Variants in CLN5 observed in about 807,000 individuals in gnomAD.
CLN5 encodes the protein CLN5 lysosomal BMP synthase.
A neutral mutation model predicts 36.7 loss-of-function variants in CLN5; 34 were observed. The observed-to-expected ratio is 0.93, with a 90% CI of 0.71 to 1.23. The LOEUF (loss-of-function observed/expected upper bound fraction) is 1.23. CLN5 is among the 50% of genes most tolerant of loss of function. The pLI, the probability that CLN5 is intolerant of heterozygous loss-of-function variation, is 0.00. For missense variants in CLN5, 427 were observed against 439.4 expected (o/e 0.97, Z 0.25); for synonymous variants, 151 against 155.1 (o/e 0.97, Z 0.20).
chr13:77,004,180 G>C lies in CLN5; in HGVS notation c.*3211G>C, dbSNP rs1218466964. 1 of 152,116 alleles carries C rather than the reference G, an allele frequency of 6.6e-6. No individual in the cohort carries two copies. Among genetic ancestry groups the C allele is most frequent in the African/African-American group, 2.4e-5 (1 of 41,434 alleles). 9.4% of individuals were successfully genotyped at this position (152,116 alleles called of 1,614,324 possible). ...AATTGGAGAAAAAAATCAAGTCTTA[G>C]GAAGTCTTATCCAGTTTTATGGTCT... On this transcript the variant is annotated 3_prime_UTR_variant, in exon 4 of 4. Transcript: ENST00000377453.
intron 2 of CLN5, 83 bp from the exon 3 acceptor site, chr13:76,995,819 A>C: frequency 1.0e-6 from 1 of 953,176 alleles, no homozygotes; most frequent in African/African-American, 1.6e-5. Context: ...TGCATTTGTG[A>C]TGTGCCACAT....
chr13:77,002,131 C>T lies in CLN5; in HGVS notation c.*1162C>T, dbSNP rs186991402. 6.6e-6 allele frequency: 1 copy of T among 152,164 alleles called. No individual in the cohort carries two copies. Among genetic ancestry groups the T allele is most frequent in the South Asian group, 2.1e-4 (1 of 4,826 alleles). 9.4% of individuals were successfully genotyped at this position (152,164 alleles called of 1,614,324 possible). A position where few individuals can be genotyped will look rare whatever the true frequency, so the allele number is the denominator to read the frequency against. On this transcript the variant is annotated 3_prime_UTR_variant, in exon 4 of 4. Transcript: ENST00000377453. ...AATTCACGTTTAATATGTAAATGTA[C>T]CAATTATGTGATTCAGTTTCAACTT... is the stretch of plus-strand genomic sequence containing the variant.
At position 77,003,348 on chromosome 13, in the gene CLN5, G is replaced by C. The variant is rs988359999; in HGVS notation, c.*2379G>C. On this transcript the variant is annotated 3_prime_UTR_variant, in exon 4 of 4. Coordinates refer to ENST00000377453, the MANE Select transcript of CLN5 (RefSeq NM_006493.4). ...ATTCAAGATTTTTCATTGTTCCTAA[G>C]AATCTTAATTAAATGAAGACAGAAA... 20 of 152,098 alleles carry C rather than the reference G, an allele frequency of 1.3e-4. No individual in the cohort carries two copies. The highest frequency in any genetic ancestry group is 4.8e-4 in the African/African-American group (20 of 41,420). The allele number at this position is 152,098 out of a possible 1,614,324, so 9.4% of individuals were successfully genotyped here.
chr13:76,996,402 C>T lies in CLN5; in HGVS notation c.565+275C>T, dbSNP rs376100861. On this transcript the variant is annotated intron_variant, in intron 3 of 3. Coordinates refer to ENST00000377453, the MANE Select transcript of CLN5 (RefSeq NM_006493.4). ...CTGAGATTTTTGCGCACCCATCACC[C>T]GAGCAGTGTACACTGTACCCAATGT... 13 of 423,746 alleles carry T rather than the reference C, an allele frequency of 3.1e-5. 1 individual carries two copies. The highest frequency in any genetic ancestry group is 1.0e-4 in the African/African-American group (5 of 49,444). The allele number at this position is 423,746 out of a possible 1,614,324, so 26.2% of individuals were successfully genotyped here.
At chr13:76,992,388 G>T in intron 1 of CLN5, 117 bp downstream of exon 1, 1 of 1,196,918 alleles carries the variant, frequency 8.4e-7, no homozygotes, top group Non-Finnish European at 1.1e-6. Flanking sequence ...GAGATGGTGC[G>T]GGGACAGCGC....
At chr13:77,000,342 A>G in intron 3 of CLN5, 116 bp from the exon 4 acceptor site, 1 of 924,694 alleles carries the variant, frequency 1.1e-6, no homozygotes, top group East Asian at 2.6e-5. Flanking sequence ...CTGTGATGTT[A>G]CCACCGCACT....
Position 77,002,214 on chromosome 13 carries a change from CATAGAT to C in CLN5, c.*1249_*1254del, listed in dbSNP as rs2034375405. On this transcript the variant is annotated 3_prime_UTR_variant, in exon 4 of 4. Coordinates refer to ENST00000377453, the MANE Select transcript of CLN5 (RefSeq NM_006493.4). ...ATTGAGCTCTCACAGAAAGCTTAAT[CATAGAT>C]ATAATTAACCTGATCCAAATGAGTA... 1 of 152,188 alleles carries C rather than the reference CATAGAT, an allele frequency of 6.6e-6. No individual in the cohort carries two copies. The highest frequency in any genetic ancestry group is 1.9e-4 in the East Asian group (1 of 5,202). 9.4% of individuals were successfully genotyped at this position (152,188 alleles called of 1,614,324 possible).
At chr13:76,997,891 GA>G (rs1193706328) in intron 3 of CLN5, 1 of 152,148 alleles carries the variant, frequency 6.6e-6, no homozygotes, top group African/African-American at 2.4e-5. Context: ...AACTATATCT[GA>G]AAAAAATTTT....
rs747998609 is a variant in CLN5 at position 77,000,892 on chromosome 13, A to T, written c.1000A>T (p.Met334Leu). 25 of 1,593,856 alleles carry T rather than the reference A, an allele frequency of 1.6e-5. No individual in the cohort carries two copies. The highest frequency in any genetic ancestry group is 2.1e-5 in the Non-Finnish European group (25 of 1,172,198). Residue 334 changes from methionine (M) to leucine (L), a missense_variant, in exon 4 of 4, where the codon ATG becomes TTG. Coordinates refer to ENST00000377453, the MANE Select transcript of CLN5 (RefSeq NM_006493.4). ...FYNFEYWFLP[M>L]KFPFIKITYE... ...TAATTTTGAATATTGGTTTTTACCTATGAAATTCCCTTTTATTAAAATAAC... is the reference window on the plus strand; with the variant it reads ...TAATTTTGAATATTGGTTTTTACCTTTGAAATTCCCTTTTATTAAAATAAC...
At position 77,000,544 on chromosome 13, in the gene CLN5, C is replaced by A; in HGVS notation, c.652C>A (p.Pro218Thr). 2 of 1,613,854 alleles carry A rather than the reference C, an allele frequency of 1.2e-6. No individual in the cohort carries two copies. The highest frequency in any genetic ancestry group is 1.7e-6 in the Non-Finnish European group (2 of 1,179,974). ...YYETWNVKAS[P>T]EKGAETWFDS... ...TGAGACATGGAATGTAAAAGCCAGC[C>A]CAGAAAAGGGGGCAGAGACATGGTT... Residue 218 changes from proline to threonine, a missense_variant, in exon 4 of 4, where the codon CCA becomes ACA. Pro to Thr is a conservative substitution (Grantham distance 38). Coordinates refer to ENST00000377453, the MANE Select transcript of CLN5 (RefSeq NM_006493.4).
chr13:76,993,998 C>G (rs972903868), intron 1 of CLN5: 1 of 152,196 alleles, frequency 6.6e-6, no homozygotes, highest in Non-Finnish European at 1.5e-5. Flanking sequence ...GTGGCCTTCT[C>G]CGGTCTTCTT....
chr13:76,999,915 A>G (rs541893088), intron 3 of CLN5: 2 of 152,290 alleles, frequency 1.3e-5, no homozygotes, highest in South Asian at 4.1e-4. Flanking sequence ...ATTATATCTA[A>G]TGTTTATAAT....
In CLN5 at chr13:77,004,497, A is replaced by T. The variant is rs2034417717; in HGVS notation, c.*3528A>T. On this transcript the variant is annotated 3_prime_UTR_variant, in exon 4 of 4. Transcript: ENST00000377453. ...TTATTGGACTGATTATTCTAAGGATAAGCTCTTACTTCACTTTCGGAGTAA... is the reference window on the plus strand; with the variant it reads ...TTATTGGACTGATTATTCTAAGGATTAGCTCTTACTTCACTTTCGGAGTAA... 1 of 152,194 alleles carries T rather than the reference A, an allele frequency of 6.6e-6. No homozygotes were observed. The highest frequency in any genetic ancestry group is 1.5e-5 in the Non-Finnish European group (1 of 68,030). 9.4% of individuals were successfully genotyped at this position (152,194 alleles called of 1,614,324 possible).
rs149671449 is a variant in CLN5 at position 76,992,618 on chromosome 13, A to G, written c.173+347A>G. Reference sequence around the variant, plus strand: ...CTTGAGTAGTTTAAAAACACTGTCTATCGCATTTATTTATATCATGCACTG... The same window carrying G: ...CTTGAGTAGTTTAAAAACACTGTCTGTCGCATTTATTTATATCATGCACTG... On this transcript the variant is annotated intron_variant, in intron 1 of 3. Coordinates refer to ENST00000377453, the MANE Select transcript of CLN5 (RefSeq NM_006493.4). The G allele has an allele frequency of 6.7e-3, 2,644 of 397,180 alleles. 11 individuals are homozygous for G. Among genetic ancestry groups the G allele is most frequent in the Non-Finnish European group, 8.8e-3 (1,950 of 220,522 alleles). 24.6% of individuals were successfully genotyped at this position (397,180 alleles called of 1,614,324 possible).
At chr13:76,995,720 G>A in intron 2 of CLN5, 182 bp from the exon 3 acceptor site, 1 of 656,888 alleles carries the variant, frequency 1.5e-6, no homozygotes, top group Non-Finnish European at 2.8e-6. Flanking sequence ...GCCAAAGCTG[G>A]GGTGGATGAG....
chr13:76,995,046 T>A lies in CLN5; in HGVS notation c.174-17T>A. ...TCATTTTAGAATCTAAGTAGATGGT[T>A]TCTTTTTCTTTATTAGGCGCTTTGA... On this transcript the variant is annotated splice_polypyrimidine_tract_variant and intron_variant, in intron 1 of 3. Coordinates refer to ENST00000377453, the MANE Select transcript of CLN5 (RefSeq NM_006493.4). 1 of 1,611,990 alleles carries A rather than the reference T, an allele frequency of 6.2e-7. No individual in the cohort carries two copies. Among genetic ancestry groups the A allele is most frequent in the Non-Finnish European group, 8.5e-7 (1 of 1,179,082 alleles).
chr13:77,000,331 G>A, intron 3 of CLN5, 127 bp from the exon 4 acceptor site: 1 of 828,032 alleles, frequency 1.2e-6, no homozygotes, highest in Non-Finnish European at 1.8e-6. Flanking sequence ...GCTGCAGTGA[G>A]CTGTGATGTT....
Position 77,000,946 on chromosome 13 carries a change from A to G in CLN5, c.1054A>G (p.Asn352Asp). The G allele has an allele frequency of 6.2e-7, 1 of 1,605,972 alleles. No homozygotes were observed. The highest frequency in any genetic ancestry group is 8.5e-7 in the Non-Finnish European group (1 of 1,176,658). Reference protein sequence around the residue: ...TYEEIPLPIRNKTLSGL With the variant: ...TYEEIPLPIRDKTLSGL The stretch of plus-strand genomic sequence containing the variant: ...TGAAGAAATCCCTTTACCTATCAGA[A>G]ACAAAACACTCTCTGGTTTATAAAA... The change falls in exon 4 of 4, where the codon AAC (asparagine) becomes GAC (aspartate). Residue 352 changes from asparagine (N) to aspartate (D), a missense_variant. Coordinates refer to ENST00000377453, the MANE Select transcript of CLN5 (RefSeq NM_006493.4).
At chr13:76,994,991 G>C (rs2154034615) in intron 1 of CLN5, 72 bp from the exon 2 acceptor site, 3 of 1,446,386 alleles carry the variant, frequency 2.1e-6, no homozygotes, top group Non-Finnish European at 2.9e-6. Context: ...AAATGTTACT[G>C]GATTCTAAAA....
Sources: allele counts gnomAD v4.1 joint callset, GRCh38; gene constraint gnomAD v4.1.1; transcripts MANE v1.5; gene names NCBI Gene and HGNC (gene_info 2026-07-23, HGNC 2026-07-21).